EDIL3: variants seen among roughly 807,000 people sequenced by gnomAD.
EDIL3 encodes EGF-like repeat and discoidin I-like domain-containing protein 3.
A neutral mutation model predicts 67.4 loss-of-function variants in EDIL3; 37 were observed. That is an observed-to-expected ratio of 0.55 (90% CI 0.42 to 0.72). EDIL3 has a LOEUF of 0.72. Ranked by LOEUF, EDIL3 falls within the 30% of genes least tolerant of loss-of-function variation. EDIL3 has a pLI of 0.00. For synonymous variants in EDIL3, 195 were observed against 196.3 expected (o/e 0.99, Z 0.05); for missense variants, 527 against 586.3 (o/e 0.90, Z 1.04).
chr5:84,284,363 G>A (rs1745766860), intron 1 of EDIL3, among the ~76,000 whole-genome samples: 1 of 152,004 alleles, frequency 6.6e-6, no homozygotes, highest in African/African-American at 2.4e-5. Flanking sequence ...CCTCCCAGAA[G>A]CCCCATGACA....
intron 1 of EDIL3, among the ~76,000 whole-genome samples, chr5:84,326,693 C>T (rs1746763863): frequency 1.3e-5 from 2 of 151,872 alleles, no homozygotes; most frequent in Admixed American, 6.6e-5. Flanking sequence ...TGTGCTATAT[C>T]CAAATGTGAT....
chr5:83,956,184 C>A (rs138366188), intron 10 of EDIL3, among the ~76,000 whole-genome samples: 5 of 151,788 alleles, frequency 3.3e-5, no homozygotes, highest in African/African-American at 1.2e-4. Context: ...ATAAGCCGCA[C>A]CTCCTGTTGT....
intron 3 of EDIL3, among the ~76,000 whole-genome samples, chr5:84,199,092 C>G (rs916766510): frequency 9.9e-5 from 15 of 152,020 alleles, no homozygotes; most frequent in African/African-American, 3.6e-4. Context: ...AGTATGAGCC[C>G]TTAAGAAAGA....
At chr5:84,029,789 A>T (rs957649070) in intron 9 of EDIL3, among the ~76,000 whole-genome samples, 3 of 152,194 alleles carry the variant, frequency 2.0e-5, no homozygotes, top group Non-Finnish European at 4.4e-5. Context: ...ACTCAAAATG[A>T]TTAGAACATT....
chr5:84,278,256 T>A (rs1215253847), intron 1 of EDIL3, among the ~76,000 whole-genome samples: 2 of 152,162 alleles, frequency 1.3e-5, no homozygotes, highest in Non-Finnish European at 2.9e-5. Flanking sequence ...TGTCTATTCC[T>A]CTCTTGTGTT....
At chr5:84,257,200 T>C (rs1328848529) in intron 1 of EDIL3, among the ~76,000 whole-genome samples, 2 of 152,136 alleles carry the variant, frequency 1.3e-5, no homozygotes, top group African/African-American at 4.8e-5. Context: ...AAACCTTCCA[T>C]GGCCCCTCTG....
At chr5:84,105,819 GC>G (rs778505299) in intron 6 of EDIL3, among the ~76,000 whole-genome samples, 68 of 152,118 alleles carry the variant, frequency 4.5e-4, no homozygotes, top group Admixed American at 8.5e-4. Context: ...TCTACTGAAA[GC>G]CATCCTTCTC....
chr5:84,338,886 T>C (rs1268991435), intron 1 of EDIL3, among the ~76,000 whole-genome samples: 4 of 152,184 alleles, frequency 2.6e-5, no homozygotes, highest in Admixed American at 2.0e-4. Context: ...TTTAATGCTC[T>C]GCTGTCACCA....
intron 1 of EDIL3, among the ~76,000 whole-genome samples, chr5:84,363,886 A>C (rs1027923870): frequency 6.6e-6 from 1 of 152,218 alleles, no homozygotes; most frequent in African/African-American, 2.4e-5. Flanking sequence ...TACTCATTTT[A>C]ATATATAAGC....
At chr5:83,995,254 C>T (rs1420310400) in intron 9 of EDIL3, among the ~76,000 whole-genome samples, 4 of 152,152 alleles carry the variant, frequency 2.6e-5, no homozygotes, top group Non-Finnish European at 2.9e-5. Context: ...GCCCTCTTCT[C>T]AGCTCCCCTA....
intron 10 of EDIL3, among the ~76,000 whole-genome samples, chr5:83,948,428 C>T (rs1199048739): frequency 1.3e-5 from 2 of 151,578 alleles, no homozygotes; most frequent in South Asian, 2.1e-4. Flanking sequence ...AAAATTTTCA[C>T]GGAATTAGTA....
chr5:84,285,949 T>A (rs1745798979), intron 1 of EDIL3, among the ~76,000 whole-genome samples: 1 of 152,170 alleles, frequency 6.6e-6, no homozygotes, highest in Non-Finnish European at 1.5e-5. Context: ...ATATTATACG[T>A]GTAGTTCCTT....
chr5:83,940,696 C>A lies in EDIL3; in HGVS notation c.*2723G>T, dbSNP rs1744208505. 1 of 152,044 alleles carries A rather than the reference C, an allele frequency of 6.6e-6. No individual in the cohort carries two copies. The highest frequency in any genetic ancestry group is 2.4e-5 in the African/African-American group (1 of 41,556). 9.4% of individuals were successfully genotyped at this position (152,044 alleles called of 1,614,324 possible). ...AGTATATATACAAAGAAAAAAACAA[C>A]ATTGGAATATTACACAGCTTGAAGG... On this transcript the variant is annotated 3_prime_UTR_variant, in exon 11 of 11. Coordinates refer to ENST00000296591, the MANE Select transcript of EDIL3 (RefSeq NM_005711.5).
chr5:84,343,805 G>A (rs146717469), intron 1 of EDIL3, among the ~76,000 whole-genome samples: 1,935 of 152,176 alleles, frequency 0.013, 52 homozygotes, highest in African/African-American at 0.045. Flanking sequence ...ACCTGGGAAA[G>A]AAGTATGCAC....
chr5:83,979,859 C>T (rs1744940133), intron 9 of EDIL3, among the ~76,000 whole-genome samples: 2 of 152,058 alleles, frequency 1.3e-5, no homozygotes, highest in Non-Finnish European at 2.9e-5. Context: ...ATTCTCTTAC[C>T]ATTTATGATT....
chr5:84,199,386 G>A (rs13155727), intron 3 of EDIL3, among the ~76,000 whole-genome samples: 18,163 of 151,934 alleles, frequency 0.12, 1,274 homozygotes, highest in Non-Finnish European at 0.15. Context: ...CTAACCCAAA[G>A]TGAGCACCTT....
chr5:84,020,783 C>T (rs903644260), intron 9 of EDIL3, among the ~76,000 whole-genome samples: 5 of 151,950 alleles, frequency 3.3e-5, no homozygotes, highest in Non-Finnish European at 7.4e-5. Flanking sequence ...CATAGTTATG[C>T]TTTTTAATTC....
intron 1 of EDIL3, among the ~76,000 whole-genome samples, chr5:84,368,952 G>GA (rs1271609101): frequency 6.6e-6 from 1 of 151,278 alleles, no homozygotes; most frequent in Admixed American, 6.6e-5. Flanking sequence ...GATGACTACT[G>GA]AAAAAATAAA....
At chr5:84,125,054 CAG>C (rs1451755159) in intron 5 of EDIL3, among the ~76,000 whole-genome samples, 2 of 151,746 alleles carry the variant, frequency 1.3e-5, no homozygotes, top group East Asian at 3.9e-4. Flanking sequence ...AGAGTAAAAA[CAG>C]AGAGAAGCAA....
Sources: allele counts gnomAD v4.1 joint callset (sites outside exome capture counted in the v4.1 genomes callset), GRCh38; gene constraint gnomAD v4.1.1; transcripts MANE v1.5; gene names NCBI Gene and HGNC (gene_info 2026-07-23, HGNC 2026-07-21).